ZNF804B: variants seen among roughly 807,000 people sequenced by gnomAD.
The protein encoded by ZNF804B is zinc finger 804B.
Under a neutral mutation model 101.4 loss-of-function variants are expected in ZNF804B, and 80 were observed. The observed-to-expected ratio is 0.79, with a 90% confidence interval of 0.66 to 0.95. The LOEUF (loss-of-function observed/expected upper bound fraction) is 0.95, where lower values mean the gene tolerates loss of function less well. Ranked by LOEUF, ZNF804B falls within the 40% of genes least tolerant of loss-of-function variation. The pLI is 0.00. For missense variants in ZNF804B, 1,673 were observed against 1,561.9 expected (o/e 1.07, Z -1.20); for synonymous variants, 622 against 558.8 (o/e 1.11, Z -1.59).
Position 89,310,314 on chromosome 7 carries a change from A to T in ZNF804B, c.250-17030A>T, listed in dbSNP as rs1472063867. 2.0e-5 allele frequency among the ~76,000 whole-genome samples: 3 copies of T among 152,122 alleles called. No homozygotes were observed. In the East Asian group the frequency reaches 5.8e-4, roughly 29 times the overall value. ...ATAGATTCTTGGTTAGGAGTAAAAGAAACCTTATTTGATTAAGCCACTGAA... is the reference window on the plus strand; with the variant it reads ...ATAGATTCTTGGTTAGGAGTAAAAGTAACCTTATTTGATTAAGCCACTGAA... On this transcript the variant is annotated intron_variant, in intron 2 of 3. Transcript: ENST00000333190.
intron 1 of ZNF804B, among the ~76,000 whole-genome samples, chr7:88,806,962 A>G (rs1356384566): frequency 6.6e-6 from 1 of 152,100 alleles, no homozygotes; most frequent in Non-Finnish European, 1.5e-5. Flanking sequence ...AAAATTCTTC[A>G]CGGTCATATT....
chr7:88,831,791 A>G (rs1381616367), intron 1 of ZNF804B, among the ~76,000 whole-genome samples: 1 of 151,928 alleles, frequency 6.6e-6, no homozygotes, highest in Non-Finnish European at 1.5e-5. Flanking sequence ...TTATAATTGA[A>G]ATGATAGTTT....
chr7:89,075,258 T>C (rs1241024481), intron 1 of ZNF804B, among the ~76,000 whole-genome samples: 1 of 152,172 alleles, frequency 6.6e-6, no homozygotes. Context: ...GTCAGACGTC[T>C]CTACGGCAGC....
intron 1 of ZNF804B, among the ~76,000 whole-genome samples, chr7:89,190,151 G>A (rs1788432643): frequency 6.6e-6 from 1 of 151,808 alleles, no homozygotes; most frequent in Admixed American, 6.6e-5. Flanking sequence ...GCCAGGCGCG[G>A]TGACGAAACC....
intron 1 of ZNF804B, among the ~76,000 whole-genome samples, chr7:89,171,297 T>C (rs28723491): frequency 1.7e-5 from 1 of 60,458 alleles, no homozygotes; most frequent in Non-Finnish European, 3.6e-5. Flanking sequence ...TGCTTCTTCT[T>C]CTTCTTCTTC....
chr7:88,959,912 CTG>C (rs1793365967), intron 1 of ZNF804B, among the ~76,000 whole-genome samples: 1 of 151,392 alleles, frequency 6.6e-6, no homozygotes, highest in African/African-American at 2.4e-5. Context: ...TTCTGAGCCT[CTG>C]TGAAATTTTC....
At chr7:89,230,240 T>G (rs1789168731) in intron 2 of ZNF804B, among the ~76,000 whole-genome samples, 2 of 151,792 alleles carry the variant, frequency 1.3e-5, no homozygotes, top group African/African-American at 4.8e-5. Flanking sequence ...AAGCTGACTC[T>G]CTTAAAAAGA....
chr7:88,915,867 T>C (rs1199680288), intron 1 of ZNF804B, among the ~76,000 whole-genome samples: 1 of 151,676 alleles, frequency 6.6e-6, no homozygotes. Context: ...TGATATAATA[T>C]ATTTAAAATC....
intron 1 of ZNF804B, among the ~76,000 whole-genome samples, chr7:88,840,789 G>T (rs1426141901): frequency 2.0e-5 from 3 of 152,098 alleles, no homozygotes; most frequent in Non-Finnish European, 2.9e-5. Context: ...GAGGTGTGAT[G>T]AACAAGCTTT....
chr7:89,319,389 T>C (rs1271159025), intron 2 of ZNF804B, among the ~76,000 whole-genome samples: 1 of 152,214 alleles, frequency 6.6e-6, no homozygotes, highest in Non-Finnish European at 1.5e-5. Context: ...GTGATGAATA[T>C]TGGCATTGTA....
At chr7:88,926,792 T>C (rs1385728059) in intron 1 of ZNF804B, among the ~76,000 whole-genome samples, 1 of 152,108 alleles carries the variant, frequency 6.6e-6, no homozygotes, top group Non-Finnish European at 1.5e-5. Flanking sequence ...TAGGTGATTT[T>C]CCTAAGTCCA....
At position 88,933,311 on chromosome 7, in the gene ZNF804B, C is replaced by T. The variant is rs186379436; in HGVS notation, c.108+173227C>T. Among the ~76,000 whole-genome samples the T allele has an allele frequency of 2.2e-3, 336 of 151,746 alleles. 1 individual carries two copies. Among genetic ancestry groups the T allele is most frequent in the South Asian group, 0.01 (50 of 4,820 alleles). ...AAACTTATCTCAAAGTAATAAAAGA[C>T]ATATATGACAAACCAACATCATATT... On this transcript the variant is annotated intron_variant, in intron 1 of 3. Transcript: ENST00000333190.
chr7:89,040,735 T>C (rs921590137), intron 1 of ZNF804B, among the ~76,000 whole-genome samples: 96 of 152,326 alleles, frequency 6.3e-4, no homozygotes, highest in African/African-American at 2.1e-3. Context: ...AGTGGACACC[T>C]CTTCTAGTCT....
chr7:88,912,563 C>T (rs765502851), intron 1 of ZNF804B, among the ~76,000 whole-genome samples: 6 of 151,970 alleles, frequency 3.9e-5, no homozygotes, highest in African/African-American at 7.2e-5. Context: ...CTATGTTCGT[C>T]TTGGGTAAAC....
chr7:88,951,214 G>A (rs1041059985), intron 1 of ZNF804B, among the ~76,000 whole-genome samples: 1 of 151,822 alleles, frequency 6.6e-6, no homozygotes, highest in Non-Finnish European at 1.5e-5. Flanking sequence ...TTAGTGCTTA[G>A]TCTCTGCTAT....
At chr7:88,989,661 A>G (rs147090452) in intron 1 of ZNF804B, among the ~76,000 whole-genome samples, 13 of 152,264 alleles carry the variant, frequency 8.5e-5, no homozygotes, top group African/African-American at 3.1e-4. Context: ...CATTTTCCCA[A>G]TGATACCTAA....
chr7:88,835,963 A>G (rs1195839213), intron 1 of ZNF804B, among the ~76,000 whole-genome samples: 1 of 151,964 alleles, frequency 6.6e-6, no homozygotes, highest in Non-Finnish European at 1.5e-5. Context: ...TGAGTGAGCC[A>G]AACATTCTCT....
intron 1 of ZNF804B, among the ~76,000 whole-genome samples, chr7:88,952,322 G>A (rs1021586959): frequency 2.0e-5 from 3 of 151,712 alleles, no homozygotes; most frequent in African/African-American, 4.8e-5. Context: ...GAATACTGGC[G>A]AGGCCTCAAA....
chr7:88,854,486 C>CT (rs1325682304), intron 1 of ZNF804B, among the ~76,000 whole-genome samples: 359 of 46,730 alleles, frequency 7.7e-3, no homozygotes, highest in East Asian at 0.061. Context: ...TCTTTCCTTT[C>CT]CTTTCCTTTC....
Sources: gnomAD v4.1 joint callset for allele counts (sites outside exome capture counted in the v4.1 genomes callset) on GRCh38, gnomAD v4.1.1 for gene constraint, MANE v1.5 for transcripts, NCBI Gene and HGNC (gene_info 2026-07-23, HGNC 2026-07-21) for gene names.